ACOT7: variants seen among roughly 807,000 people sequenced by gnomAD.
The protein encoded by ACOT7 is acyl-CoA thioesterase 7.
In ACOT7, 12 loss-of-function variants were observed where a neutral mutation model predicts 40.2. The observed-to-expected ratio is 0.30, with a 90% CI of 0.19 to 0.48. The LOEUF is 0.48. ACOT7 is among the 20% of genes least tolerant of loss of function. The pLI, the probability that ACOT7 is intolerant of heterozygous loss-of-function variation, is 0.99. For synonymous variants in ACOT7, 228 were observed against 219.5 expected, an observed-to-expected ratio of 1.04 and a Z score of -0.34; for missense variants, 395 against 530.8, an observed-to-expected ratio of 0.74 and a Z score of 2.51.
In ACOT7 at chr1:6,288,558, G is replaced by A. The variant is rs1356134090; in HGVS notation, c.829+6306C>T. ...GGAGGCTGTGAGCAGAGGAATAGCA[G>A]GTCCCTAGCGTCAAAAGGCTGTGAC... On this transcript the variant is annotated intron_variant, in intron 7 of 8. Coordinates refer to ENST00000361521, the MANE Select transcript of ACOT7 (RefSeq NM_007274.4). This position sits in a 1 kb window ranked among gnomAD's most constrained non-coding sequence, Gnocchi z 4.3. Among the ~76,000 whole-genome samples, 1 of 152,198 alleles carries A rather than the reference G, an allele frequency of 6.6e-6. No homozygotes were observed. Among genetic ancestry groups the A allele is most frequent in the Non-Finnish European group, 1.5e-5 (1 of 68,036 alleles).
intron 1 of ACOT7, among the ~76,000 whole-genome samples, chr1:6,374,639 TCCCTGCCCCACCTGCCAC>T (rs1642192422): frequency 6.6e-6 from 1 of 152,042 alleles, no homozygotes; most frequent in African/African-American, 2.4e-5. Context: ...TCTACTGGGG[TCCCTGCCCCACCTGCCAC>T]ACACCCCTAG....
At chr1:6,318,694 C>A in intron 5 of ACOT7, 116 bp from the exon 6 acceptor site, 2 of 991,618 alleles carry the variant, frequency 2.0e-6, no homozygotes, top group Non-Finnish European at 1.5e-6. Flanking sequence ...CGTCCAAAGC[C>A]GGGTTCAGCT....
Position 6,359,811 on chromosome 1 carries a change from T to C in ACOT7, c.144-9945A>G, listed in dbSNP as rs1040174428. On this transcript the variant is annotated intron_variant, in intron 1 of 8. Coordinates refer to ENST00000361521, the MANE Select transcript of ACOT7 (RefSeq NM_007274.4). This position sits in a 1 kb window ranked among gnomAD's most constrained non-coding sequence, Gnocchi z 4.1. Reference sequence around the variant, plus strand: ...GGAAATGGAAAGTCCCCAGCCAGAGTGCAGGCCGCACAGCCTCAACCAGGC... The same window carrying C: ...GGAAATGGAAAGTCCCCAGCCAGAGCGCAGGCCGCACAGCCTCAACCAGGC... Among the ~76,000 whole-genome samples the C allele has an allele frequency of 6.6e-6, 1 of 152,076 alleles. No individual in the cohort carries two copies. The highest frequency in any genetic ancestry group is 1.5e-5 in the Non-Finnish European group (1 of 68,014).
intron 6 of ACOT7, among the ~76,000 whole-genome samples, chr1:6,310,949 G>C (rs151225608): frequency 7.9e-4 from 120 of 152,288 alleles, no homozygotes; most frequent in African/African-American, 2.8e-3. Flanking sequence ...TGATGGCCAG[G>C]CTGGTCTTGA....
At chr1:6,287,840 T>A (rs990707997) in intron 7 of ACOT7, among the ~76,000 whole-genome samples, 7 of 152,198 alleles carry the variant, frequency 4.6e-5, no homozygotes, top group African/African-American at 1.4e-4. Context: ...GGCTGTTAAC[T>A]TTCGTAAGAA....
intron 1 of ACOT7, among the ~76,000 whole-genome samples, chr1:6,376,727 CAAAAAAA>C (rs74829338): frequency 1.1e-5 from 1 of 94,666 alleles, no homozygotes; most frequent in Non-Finnish European, 2.3e-5. Flanking sequence ...AACTCCATCC[CAAAAAAA>C]AAAAAAAAAA....
intron 6 of ACOT7, chr1:6,295,590 C>T (rs1217242728): frequency 6.6e-6 from 1 of 152,302 alleles, no homozygotes. Context: ...AAAAATGTGG[C>T]CTGTCCATAC....
chr1:6,272,532 C>T lies in ACOT7; in HGVS notation c.1015-7837G>A, dbSNP rs7540588. On this transcript the variant is annotated intron_variant, in intron 8 of 8. Coordinates refer to ENST00000361521, the MANE Select transcript of ACOT7 (RefSeq NM_007274.4). ...CTGGGGACTTGCTTCTGATCCTGCA[C>T]ACACAGGTGGGGAGGGCTCTGCATC... Among the ~76,000 whole-genome samples the T allele has an allele frequency of 7.4e-3, 1,126 of 152,312 alleles. 12 individuals are homozygous for T. Among genetic ancestry groups the T allele is most frequent in the African/African-American group, 0.026 (1,060 of 41,566 alleles).
chr1:6,323,309 T>C (rs1640699191), intron 5 of ACOT7, among the ~76,000 whole-genome samples: 1 of 152,178 alleles, frequency 6.6e-6, no homozygotes, highest in Admixed American at 6.5e-5. Flanking sequence ...AGTCATTTCG[T>C]GGCCCAGTGG....
rs374472536 is a variant in ACOT7 at position 6,355,537 on chromosome 1, C to A, written c.144-5671G>T. On this transcript the variant is annotated intron_variant, in intron 1 of 8. Transcript: ENST00000361521. The surrounding 1 kb of genome is among the most constrained non-coding windows in gnomAD (Gnocchi z 5.0). ...ATGGGAGCAAGGTGACCACCTGGGG[C>A]GCAGGGACGACCATTCCAGGAAGGA... is the stretch of plus-strand genomic sequence containing the variant. 6.6e-6 allele frequency among the ~76,000 whole-genome samples: 1 copy of A among 152,156 alleles called. No homozygotes were observed. The highest frequency in any genetic ancestry group is 6.5e-5 in the Admixed American group (1 of 15,276).
chr1:6,306,776 T>C lies in ACOT7; in HGVS notation c.712+11716A>G. On this transcript the variant is annotated intron_variant, in intron 6 of 8. Transcript: ENST00000361521. The surrounding 1 kb of genome is among the most constrained non-coding windows in gnomAD (Gnocchi z 4.3). ...CCTTGCCCCAACACTGAGGGTCTGG[T>C]GTGTTGTGTCCCACGTAGCAGTGGG... 7.8e-7 allele frequency: 1 copy of C among 1,285,274 alleles called. No individual in the cohort carries two copies. The highest frequency in any genetic ancestry group is 1.2e-5 in the South Asian group (1 of 80,640). 79.6% of individuals were successfully genotyped at this position (1,285,274 alleles called of 1,614,324 possible). A position where few individuals can be genotyped will look rare whatever the true frequency, so the allele number is the denominator to read the frequency against.
At position 6,355,519 on chromosome 1, in the gene ACOT7, C is replaced by T. The variant is rs1284449380; in HGVS notation, c.144-5653G>A. Among the ~76,000 whole-genome samples, 1 of 152,154 alleles carries T rather than the reference C, an allele frequency of 6.6e-6. No homozygotes were observed. The highest frequency in any genetic ancestry group is 1.5e-5 in the Non-Finnish European group (1 of 68,034). On this transcript the variant is annotated intron_variant, in intron 1 of 8. Transcript: ENST00000361521. This position sits in a 1 kb window ranked among gnomAD's most constrained non-coding sequence, Gnocchi z 5.0. The stretch of plus-strand genomic sequence containing the variant: ...ACAGCAAGGCACAGAGCCATGGGAG[C>T]AAGGTGACCACCTGGGGCGCAGGGA...
chr1:6,373,195 T>C (rs2148474826), intron 1 of ACOT7, among the ~76,000 whole-genome samples: 1 of 152,100 alleles, frequency 6.6e-6, no homozygotes, highest in South Asian at 2.1e-4. Flanking sequence ...ACACACTACA[T>C]GAGCACAGGC....
intron 4 of ACOT7, among the ~76,000 whole-genome samples, chr1:6,333,052 C>T (rs1193764292): frequency 3.9e-5 from 6 of 152,192 alleles, no homozygotes; most frequent in South Asian, 2.1e-4. Flanking sequence ...GCCCGGCCCC[C>T]GCAGCCTGGT....
At chr1:6,272,760 C>T (rs1639071839) in intron 8 of ACOT7, among the ~76,000 whole-genome samples, 1 of 152,250 alleles carries the variant, frequency 6.6e-6, no homozygotes, top group African/African-American at 2.4e-5. Context: ...AGTCCCATGG[C>T]CAGGACCTCA....
intron 6 of ACOT7, among the ~76,000 whole-genome samples, chr1:6,297,211 T>C (rs1639835015): frequency 6.6e-6 from 1 of 152,116 alleles, no homozygotes; most frequent in Non-Finnish European, 1.5e-5. Flanking sequence ...CTAATTTTTG[T>C]ATTTTTAGTA....
chr1:6,305,593 G>A (rs1212960998), intron 6 of ACOT7, among the ~76,000 whole-genome samples: 1 of 151,820 alleles, frequency 6.6e-6, no homozygotes, highest in Non-Finnish European at 1.5e-5. Flanking sequence ...CCCAGACGGG[G>A]CGGCAGGGCA....
rs549857825 is a variant in ACOT7, at chr1:6,338,796, C to T, written c.418+637G>A. Among the ~76,000 whole-genome samples, 36 of 152,218 alleles carry T rather than the reference C, an allele frequency of 2.4e-4. No individual in the cohort carries two copies. In the East Asian group the frequency reaches 3.9e-3, roughly 16 times the overall value. On this transcript the variant is annotated intron_variant, in intron 3 of 8. Coordinates refer to ENST00000361521, the MANE Select transcript of ACOT7 (RefSeq NM_007274.4). This position sits in a 1 kb window ranked among gnomAD's most constrained non-coding sequence, Gnocchi z 4.4. ...AGGACCAGGGGCAGGGGAAGAGGCC[C>T]GCCTTCCCCCTCACCTCCCGTCCCC...
At chr1:6,325,402 TAA>T (rs111792791) in intron 5 of ACOT7, among the ~76,000 whole-genome samples, 3 of 145,484 alleles carry the variant, frequency 2.1e-5, no homozygotes, top group Non-Finnish European at 1.5e-5. Context: ...TGCCTCAAAT[TAA>T]AAAAAAAAAA....
Sources: gnomAD v4.1 joint callset for allele counts (sites outside exome capture counted in the v4.1 genomes callset) on GRCh38, gnomAD v4.1.1 for gene constraint, Gnocchi (gnomAD v3.1) non-coding constraint, MANE v1.5 for transcripts, NCBI Gene and HGNC (gene_info 2026-07-23, HGNC 2026-07-21) for gene names.